DLG2: variants seen among roughly 807,000 people sequenced by gnomAD.
DLG2 encodes the protein discs large MAGUK scaffold protein 2.
In DLG2, 45 loss-of-function variants were observed where a neutral mutation model predicts 132.5. The ratio of observed to expected loss-of-function variants is 0.34; its 90% CI spans 0.27 to 0.44. The LOEUF (loss-of-function observed/expected upper bound fraction) is 0.44. DLG2 is among the 20% of genes least tolerant of loss of function. DLG2 has a pLI of 1.00. For synonymous variants in DLG2, 424 were observed against 419.6 expected (o/e 1.01, Z -0.13); for missense variants, 1,045 against 1,196.9 (o/e 0.87, Z 1.87).
At chr11:84,699,957 T>C (rs2059039316) in intron 6 of DLG2, among the ~76,000 whole-genome samples, 1 of 151,534 alleles carries the variant, frequency 6.6e-6, no homozygotes, top group Non-Finnish European at 1.5e-5. Context: ...ATGAAGAAAA[T>C]AAACTCATCT....
intron 6 of DLG2, among the ~76,000 whole-genome samples, chr11:84,612,725 G>C (rs1212400370): frequency 1.3e-5 from 2 of 151,906 alleles, no homozygotes; most frequent in South Asian, 2.1e-4. Flanking sequence ...AATAATATTT[G>C]TTAAGCAACT....
intron 18 of DLG2, among the ~76,000 whole-genome samples, chr11:83,664,815 AG>A (rs2075164651): frequency 6.6e-6 from 1 of 152,190 alleles, no homozygotes; most frequent in Non-Finnish European, 1.5e-5. Context: ...CATTCTGGAA[AG>A]GTCCTCTTCT....
chr11:84,807,106 A>G (rs1350497097), intron 6 of DLG2, among the ~76,000 whole-genome samples: 1 of 152,180 alleles, frequency 6.6e-6, no homozygotes, highest in Non-Finnish European at 1.5e-5. Flanking sequence ...AGGCAAAATA[A>G]AAAAGCAGAG....
At chr11:85,338,339 C>A (rs778141100) in intron 3 of DLG2, among the ~76,000 whole-genome samples, 2 of 152,156 alleles carry the variant, frequency 1.3e-5, no homozygotes, top group African/African-American at 2.4e-5. Context: ...CTTGGAACAG[C>A]ATTTATGTAC....
Position 83,458,729 on chromosome 11 carries a change from G to C in DLG2, c.*1089C>G, listed in dbSNP as rs189266356. ...ATGGCAGGCTCAGGTTATTTAACTAGAGGAAAGCAAAAACTTCCCTTTAGA... is the reference window on the plus strand; with the variant it reads ...ATGGCAGGCTCAGGTTATTTAACTACAGGAAAGCAAAAACTTCCCTTTAGA... On this transcript the variant is annotated 3_prime_UTR_variant, in exon 28 of 28. Transcript: ENST00000376104. 1.3e-5 allele frequency: 2 copies of C among 152,230 alleles called. No homozygotes were observed. Among genetic ancestry groups the C allele is most frequent in the Non-Finnish European group, 2.9e-5 (2 of 68,044 alleles). 9.4% of individuals were successfully genotyped at this position (152,230 alleles called of 1,614,324 possible).
chr11:84,462,808 CG>C (rs2099084018), intron 7 of DLG2, among the ~76,000 whole-genome samples: 1 of 151,028 alleles, frequency 6.6e-6, no homozygotes, highest in Non-Finnish European at 1.5e-5. Context: ...TAGTGGCCAA[CG>C]TAACAACTGG....
At chr11:84,347,212 G>A (rs2098543118) in intron 7 of DLG2, among the ~76,000 whole-genome samples, 1 of 152,072 alleles carries the variant, frequency 6.6e-6, no homozygotes, top group African/African-American at 2.4e-5. Flanking sequence ...ATAAATAAAT[G>A]CATTGGGGTG....
At chr11:85,273,250 A>C (rs1420382124) in intron 4 of DLG2, among the ~76,000 whole-genome samples, 3 of 152,208 alleles carry the variant, frequency 2.0e-5, no homozygotes, top group African/African-American at 4.8e-5. Context: ...CAAAATTGAC[A>C]AATGGGATCT....
In DLG2 at chr11:84,421,030, G is replaced by A. The variant is rs530754493; in HGVS notation, c.519+113540C>T. Among the ~76,000 whole-genome samples the A allele has an allele frequency of 9.9e-5, 15 of 152,258 alleles. No individual in the cohort carries two copies. The South Asian group carries it at 3.1e-3, about 32-fold the overall frequency. Reference sequence around the variant, plus strand: ...AATCCTCAATGCAGTGGTATTAGGAGGTGGAGCTCTTGAAGTCCTTAGGGT... The same window carrying A: ...AATCCTCAATGCAGTGGTATTAGGAAGTGGAGCTCTTGAAGTCCTTAGGGT... On this transcript the variant is annotated intron_variant, in intron 7 of 27. Coordinates refer to ENST00000376104, the MANE Select transcript of DLG2 (RefSeq NM_001142699.3).
intron 3 of DLG2, among the ~76,000 whole-genome samples, chr11:85,331,931 G>C (rs1292163372): frequency 6.6e-6 from 1 of 152,152 alleles, no homozygotes; most frequent in Admixed American, 6.6e-5. Context: ...AAACATACAA[G>C]TACATATGTC....
At chr11:85,003,671 A>C (rs1000155891) in intron 6 of DLG2, among the ~76,000 whole-genome samples, 2 of 152,142 alleles carry the variant, frequency 1.3e-5, no homozygotes, top group African/African-American at 2.4e-5. Flanking sequence ...GATTTTTGCC[A>C]TTGATAACTT....
At chr11:85,142,461 T>C (rs1247931684) in intron 5 of DLG2, among the ~76,000 whole-genome samples, 2 of 151,760 alleles carry the variant, frequency 1.3e-5, no homozygotes, top group East Asian at 3.8e-4. Flanking sequence ...TATAGTTTTT[T>C]GGTGGAATTT....
chr11:84,573,779 C>T (rs1592684586), intron 6 of DLG2, among the ~76,000 whole-genome samples: 1 of 152,178 alleles, frequency 6.6e-6, no homozygotes, highest in Non-Finnish European at 1.5e-5. Flanking sequence ...GTTATTATGA[C>T]ACTGCCCATT....
At chr11:84,897,720 T>C (rs1037018854) in intron 6 of DLG2, among the ~76,000 whole-genome samples, 24 of 152,026 alleles carry the variant, frequency 1.6e-4, no homozygotes, top group Non-Finnish European at 3.1e-4. Flanking sequence ...TTAAGGAAAA[T>C]ATCTGTATCT....
At chr11:84,049,741 C>G (rs901080729) in intron 11 of DLG2, among the ~76,000 whole-genome samples, 1 of 151,654 alleles carries the variant, frequency 6.6e-6, no homozygotes, top group Non-Finnish European at 1.5e-5. Flanking sequence ...CCTTTTCATG[C>G]CCTATGGGTT....
intron 16 of DLG2, among the ~76,000 whole-genome samples, chr11:83,852,656 T>G (rs2059965016): frequency 6.6e-6 from 1 of 152,244 alleles, no homozygotes. Context: ...AACATTCAAC[T>G]GTTCTCTTCT....
chr11:84,044,730 C>G (rs1305852147), intron 11 of DLG2, among the ~76,000 whole-genome samples: 2 of 151,618 alleles, frequency 1.3e-5, no homozygotes, highest in Non-Finnish European at 2.9e-5. Flanking sequence ...CACTTTACCC[C>G]CTTTAGACTT....
intron 6 of DLG2, among the ~76,000 whole-genome samples, chr11:85,022,837 C>G (rs1027538405): frequency 1.3e-5 from 2 of 152,030 alleles, no homozygotes; most frequent in Non-Finnish European, 2.9e-5. Flanking sequence ...ATACCATTTA[C>G]CTTATTACTT....
At chr11:83,906,088 TATATATATATATATATAC>T (rs767019619) in intron 15 of DLG2, among the ~76,000 whole-genome samples, 4,852 of 77,720 alleles carry the variant, frequency 0.062, 82 homozygotes, top group African/African-American at 0.1. Flanking sequence ...TCTCTATATA[TATATATATATATATATAC>T]ATATATAGTT....
Sources: gnomAD v4.1 joint callset for allele counts (sites outside exome capture counted in the v4.1 genomes callset) on GRCh38, gnomAD v4.1.1 for gene constraint, MANE v1.5 for transcripts, NCBI Gene and HGNC (gene_info 2026-07-23, HGNC 2026-07-21) for gene names.